Variants in CLSPN observed in about 807,000 individuals in gnomAD.
The protein encoded by CLSPN is claspin homolog.
A neutral mutation model predicts 156.3 loss-of-function variants in CLSPN; 85 were observed. The observed-to-expected ratio is 0.54, with a 90% CI of 0.46 to 0.65. CLSPN has a LOEUF of 0.65. CLSPN is among the 30% of genes least tolerant of loss of function. The pLI, the probability that CLSPN is intolerant of heterozygous loss-of-function variation, is 0.00. For missense variants in CLSPN, 1,407 were observed against 1,554.9 expected, an observed-to-expected ratio of 0.90 and a Z score of 1.60; for synonymous variants, 534 against 542.4, an observed-to-expected ratio of 0.98 and a Z score of 0.22.
chr1:35,764,364 C>T lies in CLSPN; in HGVS notation c.484G>A (p.Ala162Thr), dbSNP rs775284161. The change falls in exon 3 of 25, where the codon GCA becomes ACA. Residue 162 changes from alanine (A) to threonine (T), a missense_variant. Ala to Thr is a moderately conservative substitution (Grantham distance 58). Transcript: ENST00000318121. ...KKHIHDKEGT[A>T]GKAKVKSKRR... ...TTTGATTTTACTTTTGCTTTTCCTG[C>T]AGTTCCTTCTTTATCATGTATGTGC... The T allele has an allele frequency of 2.5e-6, 4 of 1,610,340 alleles. No homozygotes were observed.
intron 1 of CLSPN, among the ~76,000 whole-genome samples, 194 bp downstream of exon 1, chr1:35,769,653 G>A (rs1642798409): frequency 6.6e-6 from 1 of 152,194 alleles, no homozygotes; most frequent in Non-Finnish European, 1.5e-5. Flanking sequence ...CGGGAAGCCC[G>A]GCGGCGGGAC....
At chr1:35,757,484 T>C (rs984576508) in intron 8 of CLSPN, among the ~76,000 whole-genome samples, 1 of 152,240 alleles carries the variant, frequency 6.6e-6, no homozygotes, top group African/African-American at 2.4e-5. Context: ...CCAGCCACTG[T>C]GTAGGTCCCT....
Position 35,765,252 on chromosome 1 carries a change from G to T in CLSPN, c.99C>A (p.Gly33=). 1 of 1,613,542 alleles carries T rather than the reference G, an allele frequency of 6.2e-7. No homozygotes were observed. The highest frequency in any genetic ancestry group is 8.5e-7 in the Non-Finnish European group (1 of 1,179,632). The part of the protein sequence containing the change: ...EADSPSDSGQ[G]SYETIGPLSE... Reference sequence around the variant, plus strand: ...TCAAGGGTCCAATTGTTTCATAGCTGCCCTGTCCACTATCTGAAGGACTAT... The same window carrying T: ...TCAAGGGTCCAATTGTTTCATAGCTTCCCTGTCCACTATCTGAAGGACTAT... The change falls in exon 2 of 25, where the codon GGC becomes GGA. Residue 33 remains glycine, a synonymous_variant. Transcript: ENST00000318121.
intron 12 of CLSPN, 36 bp from the exon 13 acceptor site, chr1:35,748,640 A>G: frequency 6.4e-7 from 1 of 1,556,088 alleles, no homozygotes. Context: ...GCACATGATT[A>G]CAGAAATAAG....
intron 12 of CLSPN, 189 bp from the exon 13 acceptor site, chr1:35,748,793 C>A: frequency 1.9e-6 from 1 of 528,814 alleles, no homozygotes; most frequent in Non-Finnish European, 3.5e-6. Flanking sequence ...GGGCTTATTA[C>A]TCTGAGCTAA....
Position 35,734,895 on chromosome 1 carries a change from C to T in CLSPN, c.*1601G>A. On this transcript the variant is annotated 3_prime_UTR_variant, in exon 25 of 25. Coordinates refer to ENST00000318121, the MANE Select transcript of CLSPN (RefSeq NM_022111.4). ...TCCAAAGCAGCACTGATGCTCAGTT[C>T]TGAGGGGAAAAACATTTGTCTAAAA... 1.0e-6 allele frequency: 1 copy of T among 985,388 alleles called. No homozygotes were observed. 61.0% of individuals were successfully genotyped at this position (985,388 alleles called of 1,614,324 possible).
In CLSPN at chr1:35,753,837, A is replaced by G; in HGVS notation, c.1679T>C (p.Met560Thr). 6.2e-7 allele frequency: 1 copy of G among 1,614,166 alleles called. No homozygotes were observed. Among genetic ancestry groups the G allele is most frequent in the South Asian group, 1.1e-5 (1 of 91,080 alleles). ...TVNVNVIVKD[M>T]GTDGKEELKA... ...TAGCTCTTCCTTTCCATCAGTGCCCATGTCTTTCACTATGACGTTCACATT... is the reference window on the plus strand; with the variant it reads ...TAGCTCTTCCTTTCCATCAGTGCCCGTGTCTTTCACTATGACGTTCACATT... Residue 560 changes from methionine to threonine, a missense_variant, in exon 9 of 25, where the codon ATG becomes ACG. By Grantham distance (81) the Met-to-Thr change is moderately conservative. This residue lies in a region of CLSPN where 1,096 missense variants were observed against 1,193.0 expected (regional missense o/e 0.92). Transcript: ENST00000318121.
Position 35,738,520 on chromosome 1 carries a change from G to C in CLSPN, c.3493C>G (p.Leu1165Val). The C allele has an allele frequency of 1.2e-6, 2 of 1,613,828 alleles. No homozygotes were observed. The highest frequency in any genetic ancestry group is 1.7e-6 in the Non-Finnish European group (2 of 1,179,834). ...DSDDDQTEEQ[L>V]DESEARWRKE... ...CTCCACCTGGCTTCTGACTCATCAA[G>C]CTGTTCTTCAGTCTGATCATCATCA... The change falls in exon 21 of 25, where the codon CTT becomes GTT. Residue 1165 changes from leucine to valine, a missense_variant. This residue lies in a region of CLSPN where 241 missense variants were observed against 240.5 expected (regional missense o/e 1.00). Transcript: ENST00000318121.
intron 10 of CLSPN, among the ~76,000 whole-genome samples, chr1:35,750,403 T>C (rs1270232376): frequency 2.0e-5 from 3 of 151,550 alleles, no homozygotes; most frequent in East Asian, 1.9e-4. Context: ...AAAGTTTTTT[T>C]TTTTTTTTCT....
At chr1:35,721,574 G>A (rs1216384439) in intron 24 of CLSPN, among the ~76,000 whole-genome samples, 1 of 151,998 alleles carries the variant, frequency 6.6e-6, no homozygotes, top group Non-Finnish European at 1.5e-5. Flanking sequence ...TTTTAGTAGA[G>A]ACAGGGTTTC....
intron 16 of CLSPN, among the ~76,000 whole-genome samples, chr1:35,744,481 G>T (rs572600801): frequency 1.3e-5 from 2 of 152,036 alleles, no homozygotes; most frequent in South Asian, 4.2e-4. Flanking sequence ...TTTTTTATAG[G>T]GATGGGGTTT....
downstream of CLSPN, among the ~76,000 whole-genome samples, chr1:35,728,202 C>T (rs182221253): frequency 1.7e-3 from 258 of 151,824 alleles, 2 homozygotes; most frequent in African/African-American, 5.4e-3. Flanking sequence ...CTACCTCAGC[C>T]TCCCAAGTAG....
exon 25 of CLSPN, chr1:35,720,959 C>A: frequency 1.2e-6 from 2 of 1,611,038 alleles, no homozygotes; most frequent in South Asian, 2.2e-5. Context: ...GTGAGCCAGT[C>A]AGAGTCCTTC....
Position 35,739,433 on chromosome 1 carries a change from T to G in CLSPN, c.3240A>C (p.Glu1080Asp), listed in dbSNP as rs1641614377. 5 of 1,614,058 alleles carry G rather than the reference T, an allele frequency of 3.1e-6. No individual in the cohort carries two copies. Among genetic ancestry groups the G allele is most frequent in the Non-Finnish European group, 4.2e-6 (5 of 1,179,964 alleles). Residue 1080 changes from glutamate (E) to aspartate (D), a missense_variant, in exon 19 of 25, where the codon GAA becomes GAC. By Grantham distance (45) the Glu-to-Asp change is conservative. This residue lies in a region of CLSPN where 70 missense variants were observed against 121.5 expected (regional missense o/e 0.58). Coordinates refer to ENST00000318121, the MANE Select transcript of CLSPN (RefSeq NM_022111.4). ...GAAGTACTTCATCAATTACGTCCTC[T>G]TCATATTCATCAATTTCTTCCCCAT... is the stretch of plus-strand genomic sequence containing the variant. ...EYDGEEIDEY[E>D]EDVIDEVLPS...
At chr1:35,753,608 C>T (rs1414904245) in intron 9 of CLSPN, 137 bp downstream of exon 9, 1 of 761,792 alleles carries the variant, frequency 1.3e-6, no homozygotes, top group Non-Finnish European at 2.1e-6. Context: ...ACACGTGAAT[C>T]ATGCCAGAGA....
At position 35,748,031 on chromosome 1, in the gene CLSPN, G is replaced by C. The variant is rs1378529612; in HGVS notation, c.2503C>G (p.Pro835Ala). The C allele has an allele frequency of 1.9e-6, 3 of 1,613,612 alleles. No individual in the cohort carries two copies. Among genetic ancestry groups the C allele is most frequent in the Non-Finnish European group, 2.5e-6 (3 of 1,179,860 alleles). Residue 835 changes from proline (P) to alanine (A), a missense_variant, in exon 14 of 25, where the codon CCC becomes GCC. Around this residue, in one of 3 missense-constraint regions of CLSPN, gnomAD observed 1,096 missense variants for 1,193.0 expected, o/e 0.92. Coordinates refer to ENST00000318121, the MANE Select transcript of CLSPN (RefSeq NM_022111.4). ...SSGKLSEPSL[P>A]IEDSQDLYNA... ...TACAGATCCTGGGAATCCTCTATGG[G>C]AAGTGAAGGCTCAGACAGTTTCCCT...
In CLSPN at chr1:35,734,599, A is replaced by T. The variant is rs1210078801; in HGVS notation, c.*1897T>A. 5.4e-6 allele frequency: 2 copies of T among 372,334 alleles called. No homozygotes were observed. The highest frequency in any genetic ancestry group is 1.3e-4 in the Admixed American group (2 of 15,162). The allele number at this position is 372,334 out of a possible 1,614,324, so 23.1% of individuals were successfully genotyped here. On this transcript the variant is annotated 3_prime_UTR_variant, in exon 25 of 25. Coordinates refer to ENST00000318121, the MANE Select transcript of CLSPN (RefSeq NM_022111.4). ...GGGAGGCCGAGGCAGAATTGCTTGA[A>T]CCTAGGAGGCGGAGGTTGCAGTAAG...
At position 35,765,345 on chromosome 1, in the gene CLSPN, C is replaced by T. The variant is rs894949192; in HGVS notation, c.25-19G>A. ...GGTGAACCTAGAAAATGACAATATA[C>T]TTTATATCAACCAGCAGGTGACCGA... On this transcript the variant is annotated intron_variant, in intron 1 of 24. Coordinates refer to ENST00000318121, the MANE Select transcript of CLSPN (RefSeq NM_022111.4). 1 of 1,551,836 alleles carries T rather than the reference C, an allele frequency of 6.4e-7. No individual in the cohort carries two copies. The highest frequency in any genetic ancestry group is 1.1e-5 in the South Asian group (1 of 89,704).
chr1:35,769,291 A>G (rs1019896892), intron 1 of CLSPN, among the ~76,000 whole-genome samples: 1 of 152,200 alleles, frequency 6.6e-6, no homozygotes, highest in African/African-American at 2.4e-5. Flanking sequence ...CAATTTCGCC[A>G]GGGAGCTGCC....
Sources: gnomAD v4.1 joint callset for allele counts (sites outside exome capture counted in the v4.1 genomes callset) on GRCh38, gnomAD v4.1.1 for gene constraint, gnomAD v4.1.1 regional missense constraint, MANE v1.5 for transcripts, NCBI Gene and HGNC (gene_info 2026-07-23, HGNC 2026-07-21) for gene names.